Variants in SMYD3 observed in about 807,000 individuals in gnomAD.
SMYD3 encodes the protein SET and MYND domain containing 3.
SMYD3 carries 36 observed loss-of-function variants against 57.7 expected under a neutral mutation model. The observed-to-expected ratio is 0.62, with a 90% CI of 0.48 to 0.82. The LOEUF is 0.82. Among genes scored for constraint, SMYD3 ranks in the 40% least tolerant of loss-of-function variants. The pLI is 0.00. For synonymous variants in SMYD3, 211 were observed against 195.0 expected (o/e 1.08, Z -0.68); for missense variants, 515 against 538.8 (o/e 0.96, Z 0.44).
chr1:246,376,988 T>A (rs1341092995), intron 1 of SMYD3, among the ~76,000 whole-genome samples: 1 of 152,028 alleles, frequency 6.6e-6, no homozygotes, highest in African/African-American at 2.4e-5. Flanking sequence ...TAATCCCAGC[T>A]ACTCAGGAGG....
intron 5 of SMYD3, among the ~76,000 whole-genome samples, chr1:246,091,696 C>T (rs994679588): frequency 2.6e-5 from 4 of 152,170 alleles, no homozygotes; most frequent in Admixed American, 2.0e-4. Context: ...TGAAGCTTCA[C>T]TTGAAATCCT....
chr1:246,128,124 TAACA>T (rs910631896), intron 5 of SMYD3, among the ~76,000 whole-genome samples: 3 of 152,136 alleles, frequency 2.0e-5, no homozygotes, highest in Non-Finnish European at 4.4e-5. Flanking sequence ...GTAGTAACAA[TAACA>T]ATCAAATACC....
At chr1:245,809,811 T>C (rs1349514971) in intron 10 of SMYD3, among the ~76,000 whole-genome samples, 1 of 152,198 alleles carries the variant, frequency 6.6e-6, no homozygotes, top group Non-Finnish European at 1.5e-5. Flanking sequence ...AACTGCAGAC[T>C]GGTGGCAGAA....
intron 1 of SMYD3, among the ~76,000 whole-genome samples, chr1:246,413,557 G>C (rs2067009997): frequency 6.6e-6 from 1 of 152,234 alleles, no homozygotes; most frequent in African/African-American, 2.4e-5. Flanking sequence ...GGTGGGGCCT[G>C]CAGGGAGGTG....
At chr1:246,363,331 A>G (rs1485221325) in intron 1 of SMYD3, among the ~76,000 whole-genome samples, 3,778 of 79,624 alleles carry the variant, frequency 0.047, no homozygotes, top group Middle Eastern at 0.19. Context: ...CAGCCGCCCC[A>G]TCCGGGAGGT....
chr1:246,225,320 TCAAAAAAAAAAAAAAAA>T (rs2063311869), intron 5 of SMYD3, among the ~76,000 whole-genome samples: 2 of 8,474 alleles, frequency 2.4e-4, no homozygotes, highest in South Asian at 3.6e-3. Context: ...TGCTGAAAAG[TCAAAAAAAAAAAAAAAA>T]AAAAAAAAAA....
chr1:245,867,625 G>A (rs1023505492), intron 8 of SMYD3, among the ~76,000 whole-genome samples: 6 of 151,098 alleles, frequency 4.0e-5, no homozygotes, highest in African/African-American at 1.2e-4. Context: ...TGGAACACAC[G>A]GCAAGAGAAG....
In SMYD3 at chr1:246,458,766, G is replaced by A. The variant is rs530559607; in HGVS notation, c.164+48288C>T. Among the ~76,000 whole-genome samples the A allele has an allele frequency of 5.3e-5, 8 of 151,656 alleles. No individual in the cohort carries two copies. In the East Asian group the frequency reaches 7.8e-4, roughly 15 times the overall value. The stretch of plus-strand genomic sequence containing the variant: ...CAGGCGTGAGCCACCGCGCCCGGCC[G>A]GAAAAGTCATTCTAAATACAGTACA... On this transcript the variant is annotated intron_variant, in intron 1 of 11. Transcript: ENST00000490107.
At chr1:246,449,155 C>G (rs2067595107) in intron 1 of SMYD3, among the ~76,000 whole-genome samples, 1 of 152,112 alleles carries the variant, frequency 6.6e-6, no homozygotes, top group Non-Finnish European at 1.5e-5. Flanking sequence ...TCACTTGAGC[C>G]TGGGAGGTCG....
chr1:246,416,149 GTAAA>G (rs745759235), intron 1 of SMYD3, among the ~76,000 whole-genome samples: 1 of 152,098 alleles, frequency 6.6e-6, no homozygotes, highest in Non-Finnish European at 1.5e-5. Context: ...TTATCCTGGG[GTAAA>G]TAGTTTTAGT....
At chr1:246,363,133 C>A (rs1320938537) in intron 1 of SMYD3, among the ~76,000 whole-genome samples, 80 of 148,502 alleles carry the variant, frequency 5.4e-4, no homozygotes, top group African/African-American at 1.2e-3. Flanking sequence ...AAGTGAGGAG[C>A]CCCTCCGCCC....
intron 5 of SMYD3, among the ~76,000 whole-genome samples, chr1:246,045,781 G>GA (rs2059953172): frequency 6.6e-6 from 1 of 151,932 alleles, no homozygotes; most frequent in Admixed American, 6.6e-5. Context: ...AAATTTACAA[G>GA]AAAAAAATCA....
intron 10 of SMYD3, among the ~76,000 whole-genome samples, chr1:245,793,881 C>T (rs1452035316): frequency 6.6e-6 from 1 of 152,170 alleles, no homozygotes; most frequent in Non-Finnish European, 1.5e-5. Context: ...TTGATAATGA[C>T]AGTTAACCCA....
At chr1:246,494,003 T>TA (rs1032376403) in intron 1 of SMYD3, among the ~76,000 whole-genome samples, 1 of 152,152 alleles carries the variant, frequency 6.6e-6, no homozygotes, top group African/African-American at 2.4e-5. Context: ...ACATCTAGAA[T>TA]AACGCACATT....
At chr1:245,985,972 A>G (rs371464913) in intron 5 of SMYD3, among the ~76,000 whole-genome samples, 1 of 152,126 alleles carries the variant, frequency 6.6e-6, no homozygotes, top group African/African-American at 2.4e-5. Flanking sequence ...TAGTGCTGAT[A>G]ATACCTGGCT....
chr1:245,824,110 T>A (rs1013231971), intron 10 of SMYD3, among the ~76,000 whole-genome samples: 4 of 152,124 alleles, frequency 2.6e-5, no homozygotes, highest in African/African-American at 9.7e-5. Context: ...ACTTGGGGTG[T>A]CTGAAAGCAT....
At chr1:245,857,128 C>T (rs892194558) in intron 10 of SMYD3, among the ~76,000 whole-genome samples, 4 of 152,224 alleles carry the variant, frequency 2.6e-5, no homozygotes, top group African/African-American at 9.6e-5. Context: ...TTAAAGCTGA[C>T]TCACAGTCTG....
intron 8 of SMYD3, among the ~76,000 whole-genome samples, chr1:245,896,834 G>A (rs1441574745): frequency 6.6e-6 from 1 of 152,120 alleles, no homozygotes; most frequent in Non-Finnish European, 1.5e-5. Flanking sequence ...TTCTGGTTTT[G>A]AACTGGAGGC....
chr1:245,938,193 C>T (rs548706102), intron 5 of SMYD3, among the ~76,000 whole-genome samples: 3 of 152,298 alleles, frequency 2.0e-5, no homozygotes, highest in Non-Finnish European at 2.9e-5. Flanking sequence ...GGGAGTGAAA[C>T]CCAGAAGCAG....
Sources: allele counts gnomAD v4.1 joint callset (sites outside exome capture counted in the v4.1 genomes callset), GRCh38; gene constraint gnomAD v4.1.1; transcripts MANE v1.5; gene names NCBI Gene and HGNC (gene_info 2026-07-23, HGNC 2026-07-21).